The following TAS1R1 variants were observed in gnomAD, a reference collection of about 807,000 sequenced individuals.
TAS1R1 encodes taste receptor type 1 member 1.
In TAS1R1, 31 loss-of-function variants were observed where a neutral mutation model predicts 45.8. The ratio of observed to expected loss-of-function variants is 0.68; its 90% CI spans 0.51 to 0.91. The LOEUF is 0.91. Ranked by LOEUF, TAS1R1 falls within the 40% of genes least tolerant of loss-of-function variation. The pLI, the probability that TAS1R1 is intolerant of heterozygous loss-of-function variation, is 0.00. For missense variants in TAS1R1, 1,051 were observed against 1,063.9 expected, an observed-to-expected ratio of 0.99 and a Z score of 0.17; for synonymous variants, 437 against 448.4, an observed-to-expected ratio of 0.97 and a Z score of 0.32.
intron 1 of TAS1R1, among the ~76,000 whole-genome samples, chr1:6,563,804 GAA>G (rs1639828520): frequency 6.6e-6 from 1 of 152,122 alleles, no homozygotes; most frequent in Non-Finnish European, 1.5e-5. Flanking sequence ...TTCATCTGGG[GAA>G]AAGTCACACA....
rs867207729 is a variant in TAS1R1 at position 6,579,466 on chromosome 1, G to A, written c.2408G>A (p.Gly803Asp). 9.3e-6 allele frequency: 15 copies of A among 1,613,920 alleles called. No homozygotes were observed. The African/African-American group carries it at 1.3e-4, about 14-fold the overall frequency. The change falls in exon 6 of 6, where the codon GGC becomes GAC. Residue 803 changes from glycine (G) to aspartate (D), a missense_variant. Physicochemically the swap from Gly to Asp is moderately conservative, Grantham distance 94. Transcript: ENST00000333172. Reference sequence around the variant, plus strand: ...GCTGGGCTGAGCAGCCTGAGCAGCGGCTTCGGTGGGTATTTTCTGCCTAAG... The same window carrying A: ...GCTGGGCTGAGCAGCCTGAGCAGCGACTTCGGTGGGTATTTTCTGCCTAAG... Reference protein sequence around the residue: ...MMAGLSSLSSGFGGYFLPKCY... With the variant: ...MMAGLSSLSSDFGGYFLPKCY...
intron 2 of TAS1R1, among the ~76,000 whole-genome samples, chr1:6,573,532 A>G (rs1255672027): frequency 6.6e-6 from 1 of 152,168 alleles, no homozygotes; most frequent in Non-Finnish European, 1.5e-5. Flanking sequence ...TGTGGCTTAC[A>G]GCAGTGGCCC....
At chr1:6,555,880 T>TTTTTTC (rs1639671410) in intron 1 of TAS1R1, among the ~76,000 whole-genome samples, 1 of 137,602 alleles carries the variant, frequency 7.3e-6, no homozygotes, top group Non-Finnish European at 1.6e-5. Context: ...TTTTTTTTTT[T>TTTTTTC]TTTTTTTTTG....
chr1:6,571,699 A>G (rs1640021956), intron 2 of TAS1R1, among the ~76,000 whole-genome samples: 1 of 152,172 alleles, frequency 6.6e-6, no homozygotes, highest in South Asian at 2.1e-4. Flanking sequence ...GTGTGCCTGT[A>G]ATCCCAGCTA....
chr1:6,566,928 G>T (rs1639883301), intron 1 of TAS1R1, among the ~76,000 whole-genome samples: 1 of 152,180 alleles, frequency 6.6e-6, no homozygotes, highest in African/African-American at 2.4e-5. Context: ...ATGATGAGCA[G>T]TTAGGGAAGG....
intron 1 of TAS1R1, among the ~76,000 whole-genome samples, chr1:6,568,123 G>A (rs898104457): frequency 5.3e-5 from 8 of 151,996 alleles, no homozygotes; most frequent in African/African-American, 1.9e-4. Flanking sequence ...ACCAGGTGTT[G>A]GGGGCAGATT....
intron 2 of TAS1R1, among the ~76,000 whole-genome samples, chr1:6,573,094 C>T (rs1416598532): frequency 6.6e-6 from 1 of 152,216 alleles, no homozygotes; most frequent in East Asian, 1.9e-4. Flanking sequence ...TAAGGCTTCC[C>T]CCTGATTTTA....
chr1:6,575,497 C>T (rs1354531514), intron 3 of TAS1R1, 105 bp downstream of exon 3: 1 of 1,280,484 alleles, frequency 7.8e-7, no homozygotes, highest in Non-Finnish European at 1.0e-6. Flanking sequence ...GGGATAAATG[C>T]CACTAACTTG....
intron 1 of TAS1R1, among the ~76,000 whole-genome samples, chr1:6,567,563 G>GAAAA (rs34650839): frequency 1.4e-5 from 2 of 140,464 alleles, no homozygotes; most frequent in South Asian, 2.3e-4. Flanking sequence ...CCGTCTCAAA[G>GAAAA]AAAAAAAAAA....
In TAS1R1 at chr1:6,579,461, C is replaced by A; in HGVS notation, c.2403C>A (p.Ser801Arg). 1 of 1,614,096 alleles carries A rather than the reference C, an allele frequency of 6.2e-7. No homozygotes were observed. The change falls in exon 6 of 6, where the codon AGC becomes AGA. Residue 801 changes from serine (S) to arginine (R), a missense_variant. Coordinates refer to ENST00000333172, the MANE Select transcript of TAS1R1 (RefSeq NM_138697.4). ...TGATGGCTGGGCTGAGCAGCCTGAGCAGCGGCTTCGGTGGGTATTTTCTGC... is the reference window on the plus strand; with the variant it reads ...TGATGGCTGGGCTGAGCAGCCTGAGAAGCGGCTTCGGTGGGTATTTTCTGC... ...ANMMAGLSSLSSGFGGYFLPK... is the reference protein window; with the variant it reads ...ANMMAGLSSLRSGFGGYFLPK...
At chr1:6,576,349 C>T in intron 3 of TAS1R1, 66 bp from the exon 4 acceptor site, 1 of 1,523,830 alleles carries the variant, frequency 6.6e-7, no homozygotes, top group Non-Finnish European at 9.1e-7. Context: ...GGCCCCAGGC[C>T]CTTGCTTCTG....
intron 1 of TAS1R1, among the ~76,000 whole-genome samples, chr1:6,568,262 A>G (rs1639914477): frequency 6.6e-6 from 1 of 152,036 alleles, no homozygotes; most frequent in African/African-American, 2.4e-5. Flanking sequence ...ATCCTGGCTA[A>G]CATGGTGAAA....
At chr1:6,565,016 G>A (rs1363985717) in intron 1 of TAS1R1, among the ~76,000 whole-genome samples, 1 of 152,048 alleles carries the variant, frequency 6.6e-6, no homozygotes, top group Non-Finnish European at 1.5e-5. Context: ...GGAGAAATAA[G>A]GGTGAAGGAG....
intron 2 of TAS1R1, among the ~76,000 whole-genome samples, chr1:6,571,472 C>G (rs896522499): frequency 6.6e-6 from 1 of 152,198 alleles, no homozygotes; most frequent in African/African-American, 2.4e-5. Context: ...TACTGCCACT[C>G]AGCTGTACCC....
chr1:6,574,517 T>G lies in TAS1R1; in HGVS notation c.499-114T>G. 1.5e-6 allele frequency: 2 copies of G among 1,315,612 alleles called. No individual in the cohort carries two copies. The highest frequency in any genetic ancestry group is 2.0e-6 in the Non-Finnish European group (2 of 980,630). The allele number at this position is 1,315,612 out of a possible 1,614,324, so 81.5% of individuals were successfully genotyped here. A position where few individuals can be genotyped will look rare whatever the true frequency, so the allele number is the denominator to read the frequency against. On this transcript the variant is annotated intron_variant, in intron 2 of 5. Coordinates refer to ENST00000333172, the MANE Select transcript of TAS1R1 (RefSeq NM_138697.4). The surrounding 1 kb of genome is among the most constrained non-coding windows in gnomAD (Gnocchi z 4.3). ...CAGGTGATTTGTCAGTTTCACAGGC[T>G]GAGGGGTGCTCTCCTGGTCTCCCCG...
chr1:6,559,998 CAAA>C (rs58759461), intron 1 of TAS1R1, among the ~76,000 whole-genome samples: 16 of 97,838 alleles, frequency 1.6e-4, no homozygotes, highest in East Asian at 3.0e-4. Flanking sequence ...AACTCTGTCT[CAAA>C]AAAAAAAAAA....
At chr1:6,575,894 C>T (rs941660863) in intron 3 of TAS1R1, among the ~76,000 whole-genome samples, 3 of 152,056 alleles carry the variant, frequency 2.0e-5, no homozygotes, top group African/African-American at 7.2e-5. Flanking sequence ...CGGGGTTTCA[C>T]CATGTTAGCC....
At chr1:6,568,176 G>A (rs968758877) in intron 1 of TAS1R1, among the ~76,000 whole-genome samples, 2 of 151,994 alleles carry the variant, frequency 1.3e-5, no homozygotes, top group East Asian at 1.9e-4. Flanking sequence ...CCAGCCGGGC[G>A]CGGTGGTTCA....
Position 6,555,368 on chromosome 1 carries a change from G to A in TAS1R1, c.-6G>A, listed in dbSNP as rs753227960. The A allele has an allele frequency of 2.5e-5, 39 of 1,579,290 alleles. No homozygotes were observed. In the Admixed American group the frequency reaches 4.6e-4, roughly 19 times the overall value. On this transcript the variant is annotated 5_prime_UTR_variant, in exon 1 of 6. The change creates a premature stop within an existing upstream ORF in the 5' untranslated region. Transcript: ENST00000333172. ...TGGCCATGCCAGGCGCGGGCATCTGGCCAGCATGCTGCTCTGCACGGCTCG... is the reference window on the plus strand; with the variant it reads ...TGGCCATGCCAGGCGCGGGCATCTGACCAGCATGCTGCTCTGCACGGCTCG...
Sources: allele counts gnomAD v4.1 joint callset (sites outside exome capture counted in the v4.1 genomes callset), GRCh38; gene constraint gnomAD v4.1.1; non-coding constraint Gnocchi (gnomAD v3.1); transcripts MANE v1.5; gene names NCBI Gene and HGNC (gene_info 2026-07-23, HGNC 2026-07-21).